The following SRGAP2C variants were observed in gnomAD, a reference collection of about 807,000 sequenced individuals.
The protein encoded by SRGAP2C is SLIT-ROBO Rho GTPase-activating protein 2C.
A neutral mutation model predicts 25.1 loss-of-function variants in SRGAP2C; 15 were observed. The ratio of observed to expected loss-of-function variants is 0.60; its 90% confidence interval spans 0.40 to 0.92. The LOEUF (loss-of-function observed/expected upper bound fraction) is 0.92. Ranked by LOEUF, SRGAP2C falls within the 40% of genes least tolerant of loss-of-function variation. The pLI, the probability that SRGAP2C is intolerant of heterozygous loss-of-function variation, is 0.00. For missense variants in SRGAP2C, 144 were observed against 264.4 expected, an observed-to-expected ratio of 0.54 and a Z score of 3.16; for synonymous variants, 44 against 96.6, an observed-to-expected ratio of 0.46 and a Z score of 3.19.
intron 2 of SRGAP2C, among the ~76,000 whole-genome samples, chr1:121,277,350 G>A (rs1657129074): frequency 6.6e-6 from 1 of 151,942 alleles, no homozygotes; most frequent in African/African-American, 2.4e-5. Context: ...CCCTTTGCAA[G>A]GGACCAAAAA....
chr1:121,328,907 A>C (rs1263435079), intron 4 of SRGAP2C, among the ~76,000 whole-genome samples: 11 of 4,788 alleles, frequency 2.3e-3, no homozygotes, highest in Non-Finnish European at 0.015. Context: ...AAAAAAAAAC[A>C]AAAAACAAAA....
intron 2 of SRGAP2C, among the ~76,000 whole-genome samples, chr1:121,263,521 A>G (rs587769609): frequency 6.5e-4 from 99 of 151,526 alleles, no homozygotes; most frequent in African/African-American, 2.2e-3. Flanking sequence ...TAAAATTACT[A>G]ATAACTTTTT....
At chr1:121,297,626 A>G (rs1428257506) in intron 3 of SRGAP2C, among the ~76,000 whole-genome samples, 1 of 151,136 alleles carries the variant, frequency 6.6e-6, no homozygotes, top group African/African-American at 2.4e-5. Flanking sequence ...AGGAAAAGTC[A>G]ATCCTGATAG....
At chr1:121,339,055 T>G (rs1284918478) in intron 4 of SRGAP2C, among the ~76,000 whole-genome samples, 7 of 151,914 alleles carry the variant, frequency 4.6e-5, no homozygotes, top group Admixed American at 4.6e-4. Flanking sequence ...ATCTTTTTTA[T>G]ACACATTTTT....
chr1:121,234,897 G>A (rs587771095), intron 2 of SRGAP2C, among the ~76,000 whole-genome samples: 3 of 151,448 alleles, frequency 2.0e-5, no homozygotes, highest in South Asian at 2.1e-4. Context: ...CCAGAGGCAG[G>A]TTCCTTGACC....
At chr1:121,191,586 G>T (rs1189917293) in intron 2 of SRGAP2C, among the ~76,000 whole-genome samples, 25 of 149,314 alleles carry the variant, frequency 1.7e-4, no homozygotes, top group African/African-American at 5.6e-4. Context: ...CCTCTAGCCT[G>T]TTAGCTTGTT....
chr1:121,209,920 C>G (rs1427737811), intron 2 of SRGAP2C, among the ~76,000 whole-genome samples: 1 of 138,050 alleles, frequency 7.2e-6, no homozygotes, highest in Non-Finnish European at 1.6e-5. Flanking sequence ...GCAATACACC[C>G]TATCAGCAAA....
At chr1:121,360,727 T>C (rs1220090828) in intron 4 of SRGAP2C, 3 of 60,958 alleles carry the variant, frequency 4.9e-5, no homozygotes, top group African/African-American at 2.1e-4. Flanking sequence ...TGTGGCCTCT[T>C]TGAAGTGGTT....
chr1:121,206,146 A>T (rs1330723782), intron 2 of SRGAP2C, among the ~76,000 whole-genome samples: 1 of 151,486 alleles, frequency 6.6e-6, no homozygotes, highest in African/African-American at 2.4e-5. Context: ...CCGCTCCTGC[A>T]TCACTTCCTA....
intron 3 of SRGAP2C, among the ~76,000 whole-genome samples, chr1:121,322,979 C>G (rs1299474491): frequency 1.3e-5 from 2 of 151,900 alleles, no homozygotes; most frequent in Non-Finnish European, 2.9e-5. Flanking sequence ...TGAGAGTACT[C>G]GCTTTGCAGT....
intron 4 of SRGAP2C, among the ~76,000 whole-genome samples, chr1:121,356,728 C>A (rs587714262): frequency 9.9e-5 from 15 of 152,074 alleles, no homozygotes; most frequent in African/African-American, 3.1e-4. Context: ...AGACATTACG[C>A]CCCCACCCAA....
rs587670804 is a variant in SRGAP2C, at chr1:121,202,391, C to T, written c.67+14878C>T. Among the ~76,000 whole-genome samples, 1,238 of 150,816 alleles carry T rather than the reference C, an allele frequency of 8.2e-3. 2 individuals carry two copies. The highest frequency in any genetic ancestry group is 0.029 in the African/African-American group (1,179 of 40,786). On this transcript the variant is annotated intron_variant, in intron 2 of 9. Transcript: ENST00000367123. ...GAACAAGAAGATCATGAGCTAATTT[C>T]AACCTGGCAGCCATTTATTTAGCAC...
Position 121,374,854 on chromosome 1 carries a change from T to C in SRGAP2C, c.731T>C (p.Leu244Pro), listed in dbSNP as rs587616847. The change falls in exon 7 of 10, where the codon CTG becomes CCG. Residue 244 changes from leucine (L) to proline (P), a missense_variant. Leu to Pro is a moderately conservative substitution (Grantham distance 98, BLOSUM62 -3). This residue lies in a region of SRGAP2C where 34 missense variants were observed against 23.0 expected (regional missense o/e 1.48). Coordinates refer to ENST00000367123, the MANE Select transcript of SRGAP2C (RefSeq NM_001329984.2). Reference protein sequence around the residue: ...KHQAKYTENKLKAIKAQNEYL... With the variant: ...KHQAKYTENKPKAIKAQNEYL... ...CAAGCCAAGTACACGGAGAATAAGC[T>C]GAAGGCCATCAAAGCCCAGAATGAG... The C allele has an allele frequency of 6.5e-4, 503 of 776,964 alleles. 2 individuals are homozygous for C. Among genetic ancestry groups the C allele is most frequent in the Middle Eastern group, 2.7e-3 (12 of 4,442 alleles). 48.1% of individuals were successfully genotyped at this position (776,964 alleles called of 1,614,324 possible).
chr1:121,314,338 T>A (rs1658043664), intron 3 of SRGAP2C, among the ~76,000 whole-genome samples: 1 of 151,278 alleles, frequency 6.6e-6, no homozygotes, highest in South Asian at 2.1e-4. Context: ...TAAACTTTTT[T>A]CAAAGTTTTC....
intron 2 of SRGAP2C, among the ~76,000 whole-genome samples, chr1:121,238,524 G>A (rs1553329110): frequency 6.6e-6 from 1 of 152,066 alleles, no homozygotes; most frequent in Non-Finnish European, 1.5e-5. Flanking sequence ...TAGTGGTCTT[G>A]CCACATAATT....
chr1:121,263,511 T>C, intron 2 of SRGAP2C, among the ~76,000 whole-genome samples: 1 of 151,704 alleles, frequency 6.6e-6, no homozygotes, highest in Non-Finnish European at 1.5e-5. Flanking sequence ...CATTGATTTT[T>C]AAAATTACTA....
chr1:121,314,577 A>T (rs1195197013), intron 3 of SRGAP2C, among the ~76,000 whole-genome samples: 1 of 150,876 alleles, frequency 6.6e-6, no homozygotes, highest in Non-Finnish European at 1.5e-5. Context: ...TTGGTCTTTG[A>T]TGATGGTGAT....
At chr1:121,258,588 C>G (rs1184922939) in intron 2 of SRGAP2C, among the ~76,000 whole-genome samples, 5 of 151,166 alleles carry the variant, frequency 3.3e-5, no homozygotes, top group African/African-American at 7.3e-5. Flanking sequence ...GCATCAGCCT[C>G]CTGAGTAGCT....
chr1:121,225,996 C>T lies in SRGAP2C; in HGVS notation c.67+38483C>T, dbSNP rs587702356. On this transcript the variant is annotated intron_variant, in intron 2 of 9. Coordinates refer to ENST00000367123, the MANE Select transcript of SRGAP2C (RefSeq NM_001329984.2). ...CTGGGATTACAGGTGTGAGCCACCA[C>T]GCCCGGCAAAACAGCATATCTTTAA... Among the ~76,000 whole-genome samples the T allele has an allele frequency of 1.2e-4, 18 of 151,548 alleles. No individual in the cohort carries two copies. In the East Asian group the frequency reaches 2.2e-3, roughly 18 times the overall value.
Sources: gnomAD v4.1 joint callset for allele counts (sites outside exome capture counted in the v4.1 genomes callset) on GRCh38, gnomAD v4.1.1 for gene constraint, gnomAD v4.1.1 regional missense constraint, MANE v1.5 for transcripts, NCBI Gene and HGNC (gene_info 2026-07-23, HGNC 2026-07-21) for gene names.